Variants in GAS7 observed in about 807,000 individuals in gnomAD.
GAS7 encodes growth arrest specific 7, also known as growth arrest-specific protein 7.
A neutral mutation model predicts 71.1 loss-of-function variants in GAS7; 28 were observed. The observed-to-expected ratio is 0.39, with a 90% CI of 0.29 to 0.54. GAS7 has a LOEUF of 0.54. GAS7 is among the 20% of genes least tolerant of loss of function. The probability of loss-of-function intolerance (pLI) is 0.62; values close to 1 mark genes in which losing one functional copy is unlikely to be tolerated. For missense variants in GAS7, 436 were observed against 627.8 expected (o/e 0.69, Z 3.27); for synonymous variants, 258 against 245.8 (o/e 1.05, Z -0.46).
At chr17:10,128,710 C>T (rs1434982383) in intron 1 of GAS7, among the ~76,000 whole-genome samples, 1 of 151,672 alleles carries the variant, frequency 6.6e-6, no homozygotes. Flanking sequence ...AGCTCCGCCT[C>T]CCGGGTTCAC....
intron 1 of GAS7, among the ~76,000 whole-genome samples, chr17:10,111,428 G>T (rs1450627269): frequency 2.0e-5 from 3 of 152,270 alleles, no homozygotes; most frequent in Admixed American, 6.5e-5. Context: ...AGCTACTTGG[G>T]AGGCTGAGGC....
rs142207480 is a variant in GAS7, at chr17:10,001,809, A to G, written c.304+17968T>C. On this transcript the variant is annotated intron_variant, in intron 2 of 13. Coordinates refer to ENST00000432992, the MANE Select transcript of GAS7 (RefSeq NM_201433.2). ...CCCTCTTTTCTGCAGCTTGTACCAA[A>G]AAACAAAAACACATAATTTTAAAAA... 3.3e-5 allele frequency among the ~76,000 whole-genome samples: 5 copies of G among 152,292 alleles called. No homozygotes were observed. The East Asian group carries it at 9.7e-4, about 29-fold the overall frequency.
intron 1 of GAS7, among the ~76,000 whole-genome samples, chr17:10,148,319 CTCAGT>C (rs1440726157): frequency 1.3e-5 from 2 of 151,994 alleles, no homozygotes; most frequent in Non-Finnish European, 2.9e-5. Flanking sequence ...AGAATCCTCT[CTCAGT>C]TAAGAGCCAG....
intron 4 of GAS7, among the ~76,000 whole-genome samples, chr17:9,961,955 A>G (rs1393267936): frequency 2.6e-5 from 4 of 152,182 alleles, no homozygotes; most frequent in African/African-American, 7.2e-5. Flanking sequence ...CCACAAACAT[A>G]TATTTTGGGA....
intron 1 of GAS7, among the ~76,000 whole-genome samples, chr17:10,110,504 C>T (rs2073801393): frequency 6.6e-6 from 1 of 152,052 alleles, no homozygotes; most frequent in Non-Finnish European, 1.5e-5. Flanking sequence ...CTCGCTGTGA[C>T]ACCCAGGCTG....
intron 1 of GAS7, among the ~76,000 whole-genome samples, chr17:10,064,988 T>C (rs1364572981): frequency 7.8e-6 from 1 of 127,618 alleles, no homozygotes; most frequent in Non-Finnish European, 1.7e-5. Context: ...ACCTAGTGAA[T>C]TTATTTTTTA....
chr17:9,926,949 C>T lies in GAS7; in HGVS notation c.886-180G>A. 1.6e-6 allele frequency: 1 copy of T among 624,484 alleles called. No homozygotes were observed. Among genetic ancestry groups the T allele is most frequent in the South Asian group, 1.8e-5 (1 of 54,366 alleles). The allele number at this position is 624,484 out of a possible 1,614,324, so 38.7% of individuals were successfully genotyped here. On this transcript the variant is annotated intron_variant, in intron 9 of 13. Transcript: ENST00000432992. The surrounding 1 kb of genome is among the most constrained non-coding windows in gnomAD (Gnocchi z 5.0). ...CACGTGGCTGCCTATCAGGTCTCAGCTTAGGCAGGTCACCTTAGCTCAGGA... is the reference window on the plus strand; with the variant it reads ...CACGTGGCTGCCTATCAGGTCTCAGTTTAGGCAGGTCACCTTAGCTCAGGA...
intron 1 of GAS7, among the ~76,000 whole-genome samples, chr17:10,050,756 C>T (rs1257826798): frequency 1.3e-5 from 2 of 152,254 alleles, no homozygotes; most frequent in Non-Finnish European, 2.9e-5. Flanking sequence ...AAGTCATAAG[C>T]CCTCTTGACT....
intron 1 of GAS7, among the ~76,000 whole-genome samples, chr17:10,020,538 C>T (rs2072226319): frequency 6.6e-6 from 1 of 152,056 alleles, no homozygotes; most frequent in Admixed American, 6.6e-5. Flanking sequence ...TATAGAATTA[C>T]TTTTCGTTAA....
chr17:10,141,188 G>A (rs140450504), intron 1 of GAS7, among the ~76,000 whole-genome samples: 2,496 of 152,322 alleles, frequency 0.016, 74 homozygotes, highest in African/African-American at 0.057. Flanking sequence ...GGTGGCTCAC[G>A]CCTGTAATCC....
chr17:10,192,248 A>G (rs1034807716), intron 1 of GAS7, among the ~76,000 whole-genome samples: 1 of 152,172 alleles, frequency 6.6e-6, no homozygotes, highest in South Asian at 2.1e-4. Context: ...CATTGCAGGG[A>G]GACAGAGAAA....
chr17:9,999,240 A>G (rs1197847123), intron 2 of GAS7, among the ~76,000 whole-genome samples: 1 of 152,184 alleles, frequency 6.6e-6, no homozygotes. Context: ...GCTAAAGGCC[A>G]GGTACGGTGG....
rs546544006 is a variant in GAS7, at chr17:10,131,988, C to T, written c.183+66220G>A. 2.6e-5 allele frequency among the ~76,000 whole-genome samples: 4 copies of T among 151,900 alleles called. No individual in the cohort carries two copies. The East Asian group carries it at 6.0e-4, about 23-fold the overall frequency. ...GCTCATGAGTGTATTAAAACATGAA[C>T]GTATAAAAACATGTTAATGCATGAA... On this transcript the variant is annotated intron_variant, in intron 1 of 13. Transcript: ENST00000432992.
intron 3 of GAS7, among the ~76,000 whole-genome samples, chr17:9,978,388 G>C (rs1284227772): frequency 6.7e-6 from 1 of 149,952 alleles, no homozygotes; most frequent in Non-Finnish European, 1.5e-5. Context: ...ATTGAGGCCA[G>C]CAGTGGCTCA....
intron 4 of GAS7, among the ~76,000 whole-genome samples, chr17:9,960,435 CT>C (rs200798436): frequency 0.017 from 2,546 of 152,300 alleles, 61 homozygotes; most frequent in African/African-American, 0.057. Flanking sequence ...GGCGATCCAC[CT>C]GTCTCGGCCT....
intron 1 of GAS7, among the ~76,000 whole-genome samples, chr17:10,156,228 G>C (rs1421883332): frequency 6.6e-6 from 1 of 152,040 alleles, no homozygotes; most frequent in Non-Finnish European, 1.5e-5. Context: ...GCCCATTCTG[G>C]CATTCCACCT....
intron 1 of GAS7, among the ~76,000 whole-genome samples, chr17:10,165,337 T>C (rs2074286415): frequency 6.6e-6 from 1 of 151,690 alleles, no homozygotes; most frequent in African/African-American, 2.4e-5. Context: ...GTTTAACTCT[T>C]CATGCCCTAG....
At chr17:10,088,225 A>G (rs12939422) in intron 1 of GAS7, among the ~76,000 whole-genome samples, 1 of 135,860 alleles carries the variant, frequency 7.4e-6, no homozygotes, top group East Asian at 2.1e-4. Flanking sequence ...TATCTCAATA[A>G]TAATAATAAT....
intron 1 of GAS7, among the ~76,000 whole-genome samples, chr17:10,169,845 A>G (rs1412713610): frequency 6.6e-6 from 1 of 152,090 alleles, no homozygotes; most frequent in Non-Finnish European, 1.5e-5. Flanking sequence ...ACTCACTATC[A>G]TTACTTGAAC....
Sources: allele counts gnomAD v4.1 joint callset (sites outside exome capture counted in the v4.1 genomes callset), GRCh38; gene constraint gnomAD v4.1.1; non-coding constraint Gnocchi (gnomAD v3.1); transcripts MANE v1.5; gene names NCBI Gene and HGNC (gene_info 2026-07-23, HGNC 2026-07-21).